Variants in GDI2 observed in about 807,000 individuals in gnomAD.
GDI2 encodes the protein rab GDP dissociation inhibitor beta.
A neutral mutation model predicts 54.2 loss-of-function variants in GDI2; 22 were observed. The observed-to-expected ratio is 0.41, with a 90% CI of 0.29 to 0.58. GDI2 has a LOEUF of 0.58. Among genes scored for constraint, GDI2 ranks in the 20% least tolerant of loss-of-function variants. The pLI is 0.35. For synonymous variants in GDI2, 177 were observed against 182.1 expected, an observed-to-expected ratio of 0.97 and a Z score of 0.23; for missense variants, 422 against 546.0, an observed-to-expected ratio of 0.77 and a Z score of 2.26.
intron 7 of GDI2, among the ~76,000 whole-genome samples, chr10:5,771,648 G>A (rs1287086785): frequency 1.3e-5 from 2 of 151,636 alleles, no homozygotes; most frequent in African/African-American, 2.4e-5. Flanking sequence ...ATCATCTTAA[G>A]GCTATGCTTC....
intron 6 of GDI2, among the ~76,000 whole-genome samples, chr10:5,778,599 A>G (rs1330971525): frequency 2.0e-5 from 3 of 152,124 alleles, no homozygotes; most frequent in Non-Finnish European, 4.4e-5. Flanking sequence ...TTTTTTAAAC[A>G]AATTACCAGT....
chr10:5,786,165 AT>A (rs35328258), intron 4 of GDI2, 115 bp from the exon 5 acceptor site: 14,038 of 377,034 alleles, frequency 0.037, no homozygotes, highest in East Asian at 0.045. Flanking sequence ...GCAGGATGCA[AT>A]TTTTTTTTTT....
intron 4 of GDI2, among the ~76,000 whole-genome samples, chr10:5,793,149 C>T (rs761588267): frequency 7.9e-5 from 12 of 152,002 alleles, no homozygotes; most frequent in Admixed American, 1.3e-4. Context: ...AATGTACCAC[C>T]ACATCTGGCT....
chr10:5,787,446 G>A (rs1033706068), intron 4 of GDI2, among the ~76,000 whole-genome samples: 1 of 152,248 alleles, frequency 6.6e-6, no homozygotes. Flanking sequence ...GTCAGAGATT[G>A]CACTGAGCCG....
At chr10:5,784,861 C>T (rs1248243838) in intron 6 of GDI2, among the ~76,000 whole-genome samples, 1 of 152,160 alleles carries the variant, frequency 6.6e-6, no homozygotes, top group Non-Finnish European at 1.5e-5. Context: ...CTGTGAAGGT[C>T]CTTGGTTGTA....
intron 1 of GDI2, chr10:5,812,011 A>C: frequency 2.2e-6 from 1 of 457,344 alleles, no homozygotes; most frequent in East Asian, 1.0e-4. Flanking sequence ...AATAAATTTC[A>C]AAAAATTTGA....
At chr10:5,787,884 T>C (rs1840914733) in intron 4 of GDI2, among the ~76,000 whole-genome samples, 1 of 152,220 alleles carries the variant, frequency 6.6e-6, no homozygotes, top group South Asian at 2.1e-4. Context: ...TTAATCAAAA[T>C]AAAAATCTAT....
chr10:5,773,252 C>T (rs563331386), intron 7 of GDI2, among the ~76,000 whole-genome samples: 1 of 152,254 alleles, frequency 6.6e-6, no homozygotes, highest in East Asian at 1.9e-4. Context: ...GACAGTAAAG[C>T]AGTGCACTTT....
intron 6 of GDI2, among the ~76,000 whole-genome samples, chr10:5,784,029 TG>T: frequency 6.6e-6 from 1 of 152,358 alleles, no homozygotes; most frequent in Non-Finnish European, 1.5e-5. Flanking sequence ...CCCTCAAATT[TG>T]TTTTCCAAAC....
chr10:5,776,443 T>C lies in GDI2; in HGVS notation c.720-2502A>G. 1.2e-6 allele frequency: 1 copy of C among 842,934 alleles called. No homozygotes were observed. The highest frequency in any genetic ancestry group is 1.3e-5 in the South Asian group (1 of 75,122). 52.2% of individuals were successfully genotyped at this position (842,934 alleles called of 1,614,324 possible). Reference sequence around the variant, plus strand: ...ATCTTTGACAGGGATCCAGACACGCTACTATTTTTACTTTAGCAAAAGAGT... The same window carrying C: ...ATCTTTGACAGGGATCCAGACACGCCACTATTTTTACTTTAGCAAAAGAGT... On this transcript the variant is annotated intron_variant, in intron 6 of 10. Coordinates refer to ENST00000380191, the MANE Select transcript of GDI2 (RefSeq NM_001494.4). The surrounding 1 kb of genome is among the most constrained non-coding windows in gnomAD (Gnocchi z 5.3).
At chr10:5,784,387 T>C (rs934485011) in intron 6 of GDI2, among the ~76,000 whole-genome samples, 7 of 152,248 alleles carry the variant, frequency 4.6e-5, no homozygotes, top group South Asian at 4.1e-4. Flanking sequence ...GCCTCCTTGA[T>C]TGGCGTAATA....
Position 5,768,104 on chromosome 10 carries a change from C to T in GDI2, c.991+109G>A. The T allele has an allele frequency of 1.2e-6, 1 of 869,396 alleles. No homozygotes were observed. The highest frequency in any genetic ancestry group is 3.4e-4 in the Middle Eastern group (1 of 2,924). 53.9% of individuals were successfully genotyped at this position (869,396 alleles called of 1,614,324 possible). ...AGATTTTTTTCCCCCATATGTAAAC[C>T]AAGGTCTGTTCACTAATACAGCATA... On this transcript the variant is annotated intron_variant, in intron 8 of 10. Coordinates refer to ENST00000380191, the MANE Select transcript of GDI2 (RefSeq NM_001494.4). This position sits in a 1 kb window ranked among gnomAD's most constrained non-coding sequence, Gnocchi z 4.4.
intron 1 of GDI2, among the ~76,000 whole-genome samples, chr10:5,802,710 T>C (rs978522811): frequency 1.4e-4 from 22 of 152,166 alleles, no homozygotes; most frequent in African/African-American, 5.3e-4. Flanking sequence ...CTAACAAATA[T>C]GATGTTTTGA....
At chr10:5,792,354 T>C (rs1841037249) in intron 4 of GDI2, among the ~76,000 whole-genome samples, 1 of 152,216 alleles carries the variant, frequency 6.6e-6, no homozygotes, top group South Asian at 2.1e-4. Context: ...ATAATACACA[T>C]GAAGTACTTA....
At chr10:5,782,354 C>T (rs898753841) in intron 6 of GDI2, among the ~76,000 whole-genome samples, 4 of 152,202 alleles carry the variant, frequency 2.6e-5, no homozygotes, top group African/African-American at 7.2e-5. Flanking sequence ...AACGAGAACT[C>T]TCATACACTG....
chr10:5,800,133 CTG>C (rs890979495), intron 2 of GDI2, among the ~76,000 whole-genome samples: 9 of 152,114 alleles, frequency 5.9e-5, no homozygotes, highest in Non-Finnish European at 1.3e-4. Context: ...TTAAAACACA[CTG>C]TGGAAATGCT....
chr10:5,783,341 T>C (rs78779084), intron 6 of GDI2, among the ~76,000 whole-genome samples: 2,096 of 152,222 alleles, frequency 0.014, 47 homozygotes, highest in African/African-American at 0.048. Context: ...TTGAGTCCTT[T>C]TGTGTCTGGT....
chr10:5,782,237 T>A (rs1025044085), intron 6 of GDI2, among the ~76,000 whole-genome samples: 1 of 152,126 alleles, frequency 6.6e-6, no homozygotes, highest in African/African-American at 2.4e-5. Context: ...GTGAGCAACA[T>A]GAGTCAAGAA....
At chr10:5,810,796 AATG>A (rs2131726144) in intron 1 of GDI2, among the ~76,000 whole-genome samples, 2 of 152,330 alleles carry the variant, frequency 1.3e-5, no homozygotes, top group Non-Finnish European at 2.9e-5. Context: ...TTACACACAG[AATG>A]AAGATTTTAC....
Sources: allele counts gnomAD v4.1 joint callset (sites outside exome capture counted in the v4.1 genomes callset), GRCh38; gene constraint gnomAD v4.1.1; non-coding constraint Gnocchi (gnomAD v3.1); transcripts MANE v1.5; gene names NCBI Gene and HGNC (gene_info 2026-07-23, HGNC 2026-07-21).